The following NUP210 variants were observed in gnomAD, a reference collection of about 807,000 sequenced individuals.
NUP210 encodes the protein nuclear pore membrane glycoprotein 210.
Under a neutral mutation model 196.0 loss-of-function variants are expected in NUP210, and 151 were observed. That is an observed-to-expected ratio of 0.77 (90% CI 0.67 to 0.88). The LOEUF is 0.88. Ranked by LOEUF, NUP210 falls within the 40% of genes least tolerant of loss-of-function variation. The pLI is 0.00. For missense variants in NUP210, 2,314 were observed against 2,493.7 expected (o/e 0.93, Z 1.53); for synonymous variants, 1,070 against 1,052.7 (o/e 1.02, Z -0.32).
chr3:13,339,942 A>G lies in NUP210; in HGVS notation c.3383T>C (p.Val1128Ala), dbSNP rs748750226. 1.9e-6 allele frequency: 3 copies of G among 1,613,938 alleles called. No individual in the cohort carries two copies. The highest frequency in any genetic ancestry group is 2.5e-6 in the Non-Finnish European group (3 of 1,180,056). The part of the protein sequence containing the change: ...SVALVSAAGL[V>A]QGLAIGNGTV... ...GCCGTTCCCGATGGCGAGGCCCTGT[A>G]CCAGCCCAGCAGCGCTCACCAGCGC... The change falls in exon 25 of 40, where the codon GTA becomes GCA. Residue 1128 changes from valine to alanine, a missense_variant. Physicochemically the swap from Val to Ala is moderately conservative, Grantham distance 64. Coordinates refer to ENST00000254508, the MANE Select transcript of NUP210 (RefSeq NM_024923.4).
chr3:13,319,891 A>G lies in NUP210; in HGVS notation c.5255T>C (p.Leu1752Ser), dbSNP rs354479. The change falls in exon 37 of 40, where the codon TTG (leucine) becomes TCG (serine). Residue 1752 changes from leucine to serine, a missense_variant. Coordinates refer to ENST00000254508, the MANE Select transcript of NUP210 (RefSeq NM_024923.4). ...CCCTTGGCTGCCAGCCGCGGGGTCC[A>G]AGACGCCGACCGTGTATGTGATGAA... is the stretch of plus-strand genomic sequence containing the variant. Reference protein sequence around the residue: ...PSFITYTVGVLDPAAGSQGPL... With the variant: ...PSFITYTVGVSDPAAGSQGPL... 0.75 allele frequency: 1,203,915 copies of G among 1,614,084 alleles called. 453,620 individuals are homozygous for G. Among genetic ancestry groups the G allele is most frequent in the East Asian group, 0.97 (43,437 of 44,870 alleles).
intron 3 of NUP210, among the ~76,000 whole-genome samples, chr3:13,395,440 C>T (rs1018672661): frequency 2.0e-5 from 3 of 152,178 alleles, no homozygotes; most frequent in African/African-American, 7.2e-5. Flanking sequence ...GCCTCAGCCT[C>T]CTGAGTAACT....
chr3:13,418,684 AGGCT>A (rs1700427373), intron 1 of NUP210, among the ~76,000 whole-genome samples: 1 of 151,976 alleles, frequency 6.6e-6, no homozygotes, highest in Admixed American at 6.6e-5. Context: ...GCTACTCGGG[AGGCT>A]GAGGCAGGAG....
intron 1 of NUP210, 101 bp downstream of exon 1, chr3:13,419,959 G>C: frequency 4.0e-6 from 3 of 751,426 alleles, no homozygotes; most frequent in Non-Finnish European, 3.3e-6. Flanking sequence ...AGCGCGCCGC[G>C]CACCTGCCGG....
At chr3:13,322,015 C>A (rs1182372683) in intron 35 of NUP210, among the ~76,000 whole-genome samples, 178 bp downstream of exon 35, 1 of 152,198 alleles carries the variant, frequency 6.6e-6, no homozygotes, top group African/African-American at 2.4e-5. Context: ...AGCTAGGATA[C>A]CCTCTGTGAC....
At chr3:13,334,795 G>C (rs963671229) in intron 28 of NUP210, among the ~76,000 whole-genome samples, 3 of 152,212 alleles carry the variant, frequency 2.0e-5, no homozygotes, top group African/African-American at 7.2e-5. Context: ...GGACAGGCTG[G>C]ATACAGACAC....
At chr3:13,378,598 A>C (rs1699000475) in intron 8 of NUP210, among the ~76,000 whole-genome samples, 2 of 152,118 alleles carry the variant, frequency 1.3e-5, no homozygotes, top group Non-Finnish European at 2.9e-5. Context: ...CAACCTCTAA[A>C]TGTCCATAGC....
chr3:13,328,624 C>A, intron 31 of NUP210, 147 bp downstream of exon 31: 1 of 748,992 alleles, frequency 1.3e-6, no homozygotes. Context: ...CGTGGCCCTG[C>A]ATGGTGCAGC....
chr3:13,326,063 C>T, intron 32 of NUP210, 132 bp from the exon 33 acceptor site: 1 of 1,169,762 alleles, frequency 8.5e-7, no homozygotes, highest in East Asian at 2.4e-5. Flanking sequence ...TCAGCAGCCT[C>T]AGGAGACAGC....
At chr3:13,373,566 T>C in intron 12 of NUP210, 152 bp downstream of exon 12, 1 of 691,186 alleles carries the variant, frequency 1.4e-6, no homozygotes, top group African/African-American at 1.8e-5. Context: ...GACATGGCCG[T>C]GAGCTCCTAA....
At chr3:13,387,376 T>C (rs1413848246) in intron 5 of NUP210, among the ~76,000 whole-genome samples, 2 of 152,224 alleles carry the variant, frequency 1.3e-5, no homozygotes, top group Non-Finnish European at 2.9e-5. Flanking sequence ...GGACAGCAAG[T>C]CTGCCTTTCC....
intron 14 of NUP210, among the ~76,000 whole-genome samples, chr3:13,362,601 T>C (rs1698407970): frequency 6.6e-6 from 1 of 152,226 alleles, no homozygotes; most frequent in African/African-American, 2.4e-5. Context: ...GACTTTGTTT[T>C]TGAATATGAA....
chr3:13,322,602 G>T (rs557738221), intron 34 of NUP210, among the ~76,000 whole-genome samples: 22 of 152,378 alleles, frequency 1.4e-4, no homozygotes, highest in African/African-American at 5.3e-4. Flanking sequence ...TGCATCCAGG[G>T]GCACGGCAGA....
In NUP210 at chr3:13,388,377, CCCCTTGCTT is replaced by C. The variant is rs1192939291; in HGVS notation, c.601_609del (p.Lys201_Gly203del). The stretch of plus-strand genomic sequence containing the variant: ...TTCATCCCAGACACCAGGATGGTGT[CCCCTTGCTT>C]GGCAGCCTTCTCCATCTCTGAGATG... On this transcript the variant is annotated inframe_deletion, in exon 5 of 40. Transcript: ENST00000254508. The C allele has an allele frequency of 6.2e-7, 1 of 1,612,588 alleles. No individual in the cohort carries two copies. Among genetic ancestry groups the C allele is most frequent in the Non-Finnish European group, 8.5e-7 (1 of 1,179,316 alleles).
intron 2 of NUP210, among the ~76,000 whole-genome samples, chr3:13,399,121 C>G (rs1699755420): frequency 6.6e-6 from 1 of 151,772 alleles, no homozygotes. Flanking sequence ...CAAAAATTAG[C>G]CGGGTGTGGT....
In NUP210 at chr3:13,353,968, A is replaced by ATGCTGGCCCATGCTG. The variant is rs1698075748; in HGVS notation, c.2467_2468insCAGCATGGGCCAGCA (p.Leu823delinsProAlaTrpAlaSerMet). ...GTCCTGGGACACCAGCTGCATGGGC[A>ATGCTGGCCCATGCTG]GCTCAGGCTCGATGCTGGCCAACAC... On this transcript the variant is annotated protein_altering_variant, in exon 17 of 40. Transcript: ENST00000254508. 1 of 1,610,418 alleles carries ATGCTGGCCCATGCTG rather than the reference A, an allele frequency of 6.2e-7. No homozygotes were observed. Among genetic ancestry groups the ATGCTGGCCCATGCTG allele is most frequent in the Non-Finnish European group, 8.5e-7 (1 of 1,178,416 alleles).
chr3:13,365,973 G>T lies in NUP210; in HGVS notation c.1905C>A (p.Ile635=). The T allele has an allele frequency of 1.6e-5, 26 of 1,614,202 alleles. No individual in the cohort carries two copies. The highest frequency in any genetic ancestry group is 1.9e-5 in the Non-Finnish European group (23 of 1,180,002). ...TGAGGGGCAGGTAGGCAGCAATGGTGATCTTGGCACTCAGGTGGACGTGGC... is the reference window on the plus strand; with the variant it reads ...TGAGGGGCAGGTAGGCAGCAATGGTTATCTTGGCACTCAGGTGGACGTGGC... ...RHGHVHLSAK[I]TIAAYLPLKA... Residue 635 remains isoleucine, a synonymous_variant, in exon 14 of 40, where the codon ATC becomes ATA. Transcript: ENST00000254508.
At chr3:13,385,248 G>A (rs1692581086) in intron 6 of NUP210, among the ~76,000 whole-genome samples, 1 of 152,204 alleles carries the variant, frequency 6.6e-6, no homozygotes, top group African/African-American at 2.4e-5. Flanking sequence ...ATGCTGAAGT[G>A]TGTATCTGCC....
At chr3:13,375,144 T>TC (rs1698856873) in intron 11 of NUP210, among the ~76,000 whole-genome samples, 2 of 142,536 alleles carry the variant, frequency 1.4e-5, no homozygotes, top group African/African-American at 5.8e-5. Flanking sequence ...TTTTTTCTCT[T>TC]TTTTTTTTTT....
Sources: allele counts gnomAD v4.1 joint callset (sites outside exome capture counted in the v4.1 genomes callset), GRCh38; gene constraint gnomAD v4.1.1; transcripts MANE v1.5; gene names NCBI Gene and HGNC (gene_info 2026-07-23, HGNC 2026-07-21).